The following PRDM6 variants were observed in gnomAD, a reference collection of about 807,000 sequenced individuals.
PRDM6 encodes the protein PR/SET domain 6, also known as putative histone-lysine N-methyltransferase PRDM6.
In PRDM6, 25 loss-of-function variants were observed where a neutral mutation model predicts 60.8. The observed-to-expected ratio is 0.41, with a 90% CI of 0.30 to 0.57. The LOEUF (loss-of-function observed/expected upper bound fraction) is 0.57, where lower values mean the gene tolerates loss of function less well. Ranked by LOEUF, PRDM6 falls within the 20% of genes least tolerant of loss-of-function variation. PRDM6 has a pLI of 0.27. For missense variants in PRDM6, 839 were observed against 821.3 expected (o/e 1.02, Z -0.26); for synonymous variants, 407 against 357.4 (o/e 1.14, Z -1.57).
At chr5:123,180,025 T>C in intron 6 of PRDM6, 122 bp from the exon 7 acceptor site, 2 of 971,772 alleles carry the variant, frequency 2.1e-6, no homozygotes, top group Non-Finnish European at 3.0e-6. Context: ...GCCAAAGCTC[T>C]ATGCCCTGTC....
At chr5:123,123,600 A>G (rs939802380) in intron 3 of PRDM6, among the ~76,000 whole-genome samples, 5 of 152,358 alleles carry the variant, frequency 3.3e-5, no homozygotes, top group Non-Finnish European at 7.3e-5. Context: ...TTTGCAAAAA[A>G]AATATTTTAC....
Position 123,149,060 on chromosome 5 carries a change from A to T in PRDM6, c.901-6824A>T, listed in dbSNP as rs150499648. On this transcript the variant is annotated intron_variant, in intron 3 of 7. Coordinates refer to ENST00000407847, the MANE Select transcript of PRDM6 (RefSeq NM_001136239.4). ...TTATAAACTCAAATGCCACACGAAT[A>T]TGTATGACTTGGTCATTAACTGATG... Among the ~76,000 whole-genome samples the T allele has an allele frequency of 6.9e-3, 1,054 of 152,350 alleles. 15 individuals are homozygous for T. Among genetic ancestry groups the T allele is most frequent in the African/African-American group, 0.024 (1,014 of 41,578 alleles).
chr5:123,163,327 A>C (rs1765677618), intron 5 of PRDM6, among the ~76,000 whole-genome samples: 1 of 152,200 alleles, frequency 6.6e-6, no homozygotes, highest in Non-Finnish European at 1.5e-5. Context: ...TAAAAATATA[A>C]CTTTTTTCCC....
At position 123,189,499 on chromosome 5, in the gene PRDM6, A is replaced by G. The variant is rs1250175766; in HGVS notation, c.*2298A>G. On this transcript the variant is annotated 3_prime_UTR_variant, in exon 8 of 8. Transcript: ENST00000407847. ...GTCTGGCATGGGAAGGTTTTCCTTA[A>G]CAATGATCTCTCTGCCACCCTGATA... The G allele has an allele frequency of 1.3e-5, 2 of 152,216 alleles. No individual in the cohort carries two copies. The highest frequency in any genetic ancestry group is 4.8e-5 in the African/African-American group (2 of 41,448). 9.4% of individuals were successfully genotyped at this position (152,216 alleles called of 1,614,324 possible).
Position 123,181,592 on chromosome 5 carries a change from C to T in PRDM6, c.1673+1269C>T, listed in dbSNP as rs559008436. The stretch of plus-strand genomic sequence containing the variant: ...TCTCTTCACTCATTTGCTCTACTGG[C>T]TTTTTCTGTTTGAGAAGGAGAATTA... On this transcript the variant is annotated intron_variant, in intron 7 of 7. Coordinates refer to ENST00000407847, the MANE Select transcript of PRDM6 (RefSeq NM_001136239.4). 6.9e-4 allele frequency among the ~76,000 whole-genome samples: 105 copies of T among 152,110 alleles called. 1 individual carries two copies. Among genetic ancestry groups the T allele is most frequent in the Non-Finnish European group, 1.2e-3 (80 of 68,034 alleles).
intron 3 of PRDM6, among the ~76,000 whole-genome samples, chr5:123,124,900 A>AG (rs1249791083): frequency 1.3e-5 from 2 of 152,180 alleles, no homozygotes; most frequent in South Asian, 2.1e-4. Flanking sequence ...ATTTTCTAAA[A>AG]GAAAAAAAAA....
intron 2 of PRDM6, among the ~76,000 whole-genome samples, chr5:123,097,417 C>A (rs1763982973): frequency 6.6e-6 from 1 of 152,058 alleles, no homozygotes; most frequent in Non-Finnish European, 1.5e-5. Context: ...TGCAGTCAGG[C>A]AGCCTTGACT....
rs1266920748 is a variant in PRDM6, at chr5:123,189,144, A to G, written c.*1943A>G. 1.3e-5 allele frequency: 2 copies of G among 152,122 alleles called. No homozygotes were observed. Among genetic ancestry groups the G allele is most frequent in the South Asian group, 2.1e-4 (1 of 4,824 alleles). 9.4% of individuals were successfully genotyped at this position (152,122 alleles called of 1,614,324 possible). A position where few individuals can be genotyped will look rare whatever the true frequency, so the allele number is the denominator to read the frequency against. On this transcript the variant is annotated 3_prime_UTR_variant, in exon 8 of 8. Transcript: ENST00000407847. ...GTTAGGAATGTGTTCTGATTTTACA[A>G]TTCCCTGCCCTAAGTGATGGATACG... is the stretch of plus-strand genomic sequence containing the variant.
chr5:123,119,793 T>C (rs2051087325), intron 3 of PRDM6, among the ~76,000 whole-genome samples: 1 of 152,192 alleles, frequency 6.6e-6, no homozygotes, highest in Non-Finnish European at 1.5e-5. Context: ...AGCAGTAATA[T>C]CTTTTGTTTG....
At chr5:123,181,400 T>C (rs1228132348) in intron 7 of PRDM6, among the ~76,000 whole-genome samples, 4 of 152,124 alleles carry the variant, frequency 2.6e-5, no homozygotes, top group African/African-American at 9.7e-5. Context: ...GAAGGATAAG[T>C]AGGAGATTTC....
chr5:123,106,675 G>T (rs1764203476), intron 3 of PRDM6, among the ~76,000 whole-genome samples: 1 of 152,208 alleles, frequency 6.6e-6, no homozygotes. Flanking sequence ...TGGGTTGAGG[G>T]TCTGAATATC....
intron 5 of PRDM6, among the ~76,000 whole-genome samples, chr5:123,165,133 C>T (rs1339636157): frequency 6.6e-6 from 1 of 152,174 alleles, no homozygotes; most frequent in Non-Finnish European, 1.5e-5. Flanking sequence ...CAGGTACTCC[C>T]AGATTTCCAT....
Position 123,099,858 on chromosome 5 carries a change from A to G in PRDM6, c.797A>G (p.Gln266Arg). 6.4e-7 allele frequency: 1 copy of G among 1,550,504 alleles called. No individual in the cohort carries two copies. Among genetic ancestry groups the G allele is most frequent in the Non-Finnish European group, 8.7e-7 (1 of 1,146,762 alleles). The change falls in exon 3 of 8, where the codon CAG becomes CGG. Residue 266 changes from glutamine (Q) to arginine (R), a missense_variant. This residue lies in a region of PRDM6 where 730 missense variants were observed against 648.8 expected (regional missense o/e 1.13). Transcript: ENST00000407847. The surrounding 1 kb of genome is among the most constrained non-coding windows in gnomAD (Gnocchi z 4.0). ...CTGGCCTACGGCATCTGCGCGGCGC[A>G]GAGGATCCAGCAAGGCACCTGGATT... ...PGLAYGICAA[Q>R]RIQQGTWIGP...
chr5:123,170,856 A>G lies in PRDM6; in HGVS notation c.1244A>G (p.Gln415Arg). 6.4e-7 allele frequency: 1 copy of G among 1,552,238 alleles called. No homozygotes were observed. ...NKSSKLAPTT[Q>R]QRSVVFPQTP... ...AGCAGCAAACTCGCCCCTACCACCC[A>G]GCAGCGCTCCGTTGTTTTCCCCCAG... The change falls in exon 6 of 8, where the codon CAG becomes CGG. Residue 415 changes from glutamine to arginine, a missense_variant. By Grantham distance (43) the Gln-to-Arg change is conservative. Transcript: ENST00000407847.
rs1274113159 is a variant in PRDM6, at chr5:123,188,641, C to G, written c.*1440C>G. The G allele has an allele frequency of 6.6e-6, 1 of 152,152 alleles. No individual in the cohort carries two copies. Among genetic ancestry groups the G allele is most frequent in the Non-Finnish European group, 1.5e-5 (1 of 68,020 alleles). 9.4% of individuals were successfully genotyped at this position (152,152 alleles called of 1,614,324 possible). A position where few individuals can be genotyped will look rare whatever the true frequency, so the allele number is the denominator to read the frequency against. On this transcript the variant is annotated 3_prime_UTR_variant, in exon 8 of 8. Coordinates refer to ENST00000407847, the MANE Select transcript of PRDM6 (RefSeq NM_001136239.4). ...TTTCTGTTTGTAAATTTCATCATCA[C>G]CTGATATCAGGACACAGTCTTTTAA...
At position 123,152,261 on chromosome 5, in the gene PRDM6, A is replaced by G. The variant is rs565236630; in HGVS notation, c.901-3623A>G. Among the ~76,000 whole-genome samples, 14 of 152,224 alleles carry G rather than the reference A, an allele frequency of 9.2e-5. No homozygotes were observed. The South Asian group carries it at 2.9e-3, about 32-fold the overall frequency. ...CTAATGAGGCCAAGCAGGTAAGTAA[A>G]TTAGTGAAGTAAGTAGCATGTAAGA... is the stretch of plus-strand genomic sequence containing the variant. On this transcript the variant is annotated intron_variant, in intron 3 of 7. Transcript: ENST00000407847.
At chr5:123,148,525 G>T (rs934395064) in intron 3 of PRDM6, among the ~76,000 whole-genome samples, 17 of 151,372 alleles carry the variant, frequency 1.1e-4, no homozygotes, top group Non-Finnish European at 2.9e-5. Flanking sequence ...ACATAATATG[G>T]GCACACTAGT....
At chr5:123,175,830 C>T (rs758640701) in intron 6 of PRDM6, among the ~76,000 whole-genome samples, 1 of 152,180 alleles carries the variant, frequency 6.6e-6, no homozygotes, top group Non-Finnish European at 1.5e-5. Flanking sequence ...CCCATGTATA[C>T]ACCAAACCAA....
chr5:123,099,940 G>C lies in PRDM6; in HGVS notation c.879G>C (p.Arg293Ser), dbSNP rs528560243. ...AGAAGGTGCAGGCAGGCGCCGTGAG[G>C]AACACGCAGCATCTCTGGGAGGTAA... ...PPEKVQAGAV[R>S]NTQHLWEIYD... The change falls in exon 3 of 8, where the codon AGG becomes AGC. Residue 293 changes from arginine to serine, a missense_variant. Coordinates refer to ENST00000407847, the MANE Select transcript of PRDM6 (RefSeq NM_001136239.4). This position sits in a 1 kb window ranked among gnomAD's most constrained non-coding sequence, Gnocchi z 4.0. The C allele has an allele frequency of 1.3e-6, 2 of 1,529,264 alleles. No individual in the cohort carries two copies. The highest frequency in any genetic ancestry group is 2.5e-5 in the South Asian group (2 of 81,242). 94.7% of individuals were successfully genotyped at this position (1,529,264 alleles called of 1,614,324 possible). A position where few individuals can be genotyped will look rare whatever the true frequency, so the allele number is the denominator to read the frequency against.
Sources: gnomAD v4.1 joint callset for allele counts (sites outside exome capture counted in the v4.1 genomes callset) on GRCh38, gnomAD v4.1.1 for gene constraint, gnomAD v4.1.1 regional missense constraint, Gnocchi (gnomAD v3.1) non-coding constraint, MANE v1.5 for transcripts, NCBI Gene and HGNC (gene_info 2026-07-23, HGNC 2026-07-21) for gene names.